Variants in VIPR2 observed in about 807,000 individuals in gnomAD.
VIPR2 encodes the protein vasoactive intestinal peptide receptor 2, also known as vasoactive intestinal polypeptide receptor 2.
In VIPR2, 48 loss-of-function variants were observed where a neutral mutation model predicts 58.0. The observed-to-expected ratio is 0.83, with a 90% CI of 0.66 to 1.05. VIPR2 has a LOEUF of 1.05. Ranked by LOEUF, VIPR2 falls within the 50% of genes least tolerant of loss-of-function variation. The pLI, the probability that VIPR2 is intolerant of heterozygous loss-of-function variation, is 0.00. For synonymous variants in VIPR2, 243 were observed against 235.2 expected, an observed-to-expected ratio of 1.03 and a Z score of -0.30; for missense variants, 534 against 558.0, an observed-to-expected ratio of 0.96 and a Z score of 0.43.
At chr7:159,102,690 C>A (rs1262526512) in intron 4 of VIPR2, among the ~76,000 whole-genome samples, 5 of 152,154 alleles carry the variant, frequency 3.3e-5, no homozygotes, top group African/African-American at 1.2e-4. Flanking sequence ...CCTGGGGGCC[C>A]AGAGGGCAGA....
intron 7 of VIPR2, 121 bp from the exon 8 acceptor site, chr7:159,036,133 C>T: frequency 8.3e-7 from 1 of 1,198,938 alleles, no homozygotes; most frequent in Non-Finnish European, 1.1e-6. Flanking sequence ...AGTGCAATCT[C>T]TTGTTTAAAG....
At position 159,130,500 on chromosome 7, in the gene VIPR2, G is replaced by A. The variant is rs116049786; in HGVS notation, c.151+11946C>T. Among the ~76,000 whole-genome samples the A allele has an allele frequency of 6.5e-3, 965 of 148,936 alleles. 11 individuals are homozygous for A. Among genetic ancestry groups the A allele is most frequent in the African/African-American group, 0.023 (890 of 38,584 alleles). ...CTGACACCATGGCTCCACCTGGACCGGCCAACCACTCCTGTAGCCCCACCC... is the reference window on the plus strand; with the variant it reads ...CTGACACCATGGCTCCACCTGGACCAGCCAACCACTCCTGTAGCCCCACCC... On this transcript the variant is annotated intron_variant, in intron 2 of 12. Coordinates refer to ENST00000262178, the MANE Select transcript of VIPR2 (RefSeq NM_003382.5).
chr7:159,143,567 T>C (rs1257475849), intron 1 of VIPR2, among the ~76,000 whole-genome samples: 4 of 152,164 alleles, frequency 2.6e-5, no homozygotes, highest in African/African-American at 7.2e-5. Flanking sequence ...TTCAGCCCCA[T>C]TTAAAAGAGC....
In VIPR2 at chr7:159,030,549, G is replaced by C. The variant is rs1004085332; in HGVS notation, c.*67C>G. On this transcript the variant is annotated 3_prime_UTR_variant, in exon 13 of 13. Coordinates refer to ENST00000262178, the MANE Select transcript of VIPR2 (RefSeq NM_003382.5). ...CTCGGGCATCTGGAAGGAGGAAGCC[G>C]GCGTCTCAGCCCCGCAGAAGCCCCG... 2.1e-6 allele frequency: 3 copies of C among 1,456,692 alleles called. No individual in the cohort carries two copies. Among genetic ancestry groups the C allele is most frequent in the Non-Finnish European group, 2.7e-6 (3 of 1,100,728 alleles). The allele number at this position is 1,456,692 out of a possible 1,614,324, so 90.2% of individuals were successfully genotyped here. A position where few individuals can be genotyped will look rare whatever the true frequency, so the allele number is the denominator to read the frequency against.
At chr7:159,143,168 G>A (rs1210400533) in intron 1 of VIPR2, among the ~76,000 whole-genome samples, 1 of 152,204 alleles carries the variant, frequency 6.6e-6, no homozygotes, top group Non-Finnish European at 1.5e-5. Flanking sequence ...GATCCATCAG[G>A]GGAGCGAAAG....
chr7:159,042,432 A>C (rs766980407), intron 6 of VIPR2, among the ~76,000 whole-genome samples: 1 of 152,328 alleles, frequency 6.6e-6, no homozygotes, highest in South Asian at 2.1e-4. Context: ...TATAACCACC[A>C]ATAACTACTA....
chr7:159,080,360 C>CA (rs1205925919), intron 4 of VIPR2, among the ~76,000 whole-genome samples: 1 of 152,090 alleles, frequency 6.6e-6, no homozygotes, highest in East Asian at 1.9e-4. Context: ...GAACCAAAGA[C>CA]AAAAACCACA....
rs940500457 is a variant in VIPR2, at chr7:159,103,711, G to C, written c.357+46C>G. On this transcript the variant is annotated intron_variant, in intron 4 of 12. Coordinates refer to ENST00000262178, the MANE Select transcript of VIPR2 (RefSeq NM_003382.5). ...GGCAGGAGGGGGCTTCTGGTGCAGT[G>C]TTAGGAAGTGGAACCTCACCACCGT... 2.7e-6 allele frequency: 4 copies of C among 1,464,564 alleles called. No individual in the cohort carries two copies. In the African/African-American group the frequency reaches 4.2e-5, roughly 15 times the overall value. The allele number at this position is 1,464,564 out of a possible 1,614,324, so 90.7% of individuals were successfully genotyped here.
At chr7:159,047,232 G>A (rs1008308037) in intron 5 of VIPR2, among the ~76,000 whole-genome samples, 4 of 152,252 alleles carry the variant, frequency 2.6e-5, no homozygotes, top group South Asian at 4.1e-4. Flanking sequence ...CAACACAAGC[G>A]AAACTTTGTC....
At chr7:159,144,116 CTTTT>C (rs949163980) in intron 1 of VIPR2, among the ~76,000 whole-genome samples, 13 of 151,744 alleles carry the variant, frequency 8.6e-5, no homozygotes, top group Admixed American at 5.2e-4. Context: ...TTTTTTCTTT[CTTTT>C]TTCTTTCCTT....
chr7:159,107,022 G>A (rs115370278), intron 3 of VIPR2, among the ~76,000 whole-genome samples: 1,979 of 152,216 alleles, frequency 0.013, 42 homozygotes, highest in African/African-American at 0.046. Flanking sequence ...GAAAGGTTGT[G>A]GGGGGTGGGA....
At chr7:159,138,971 T>C (rs931774399) in intron 2 of VIPR2, among the ~76,000 whole-genome samples, 1 of 152,200 alleles carries the variant, frequency 6.6e-6, no homozygotes, top group African/African-American at 2.4e-5. Flanking sequence ...AGAAACATGA[T>C]GCCATCTCCT....
intron 5 of VIPR2, among the ~76,000 whole-genome samples, chr7:159,058,241 TAATA>T (rs1855435272): frequency 6.6e-6 from 1 of 152,242 alleles, no homozygotes; most frequent in African/African-American, 2.4e-5. Flanking sequence ...GCTAAGTATT[TAATA>T]AATGATAGCT....
intron 5 of VIPR2, among the ~76,000 whole-genome samples, chr7:159,047,457 A>G (rs1854724544): frequency 6.6e-6 from 1 of 152,190 alleles, no homozygotes; most frequent in Admixed American, 6.5e-5. Context: ...ATATTTTTTC[A>G]TAGTTTCCAT....
intron 2 of VIPR2, among the ~76,000 whole-genome samples, chr7:159,123,259 C>T (rs900093728): frequency 2.2e-5 from 3 of 136,002 alleles, no homozygotes; most frequent in African/African-American, 8.3e-5. Context: ...CCCCACTGCA[C>T]TCCAGCCTGG....
chr7:159,084,115 CT>C (rs1266495800), intron 4 of VIPR2, among the ~76,000 whole-genome samples: 1 of 152,240 alleles, frequency 6.6e-6, no homozygotes. Context: ...GCACAGGGTG[CT>C]GTGGGGTGCA....
Position 159,127,386 on chromosome 7 carries a change from C to T in VIPR2, c.151+15060G>A, listed in dbSNP as rs914343604. 1.3e-5 allele frequency among the ~76,000 whole-genome samples: 2 copies of T among 152,190 alleles called. No individual in the cohort carries two copies. The highest frequency in any genetic ancestry group is 6.5e-5 in the Admixed American group (1 of 15,274). ...ACCTGAACAAACATTAAACCCACAA[C>T]TCCAAATCCAGAAATAACCAAAACT... On this transcript the variant is annotated intron_variant, in intron 2 of 12. Transcript: ENST00000262178. This position sits in a 1 kb window ranked among gnomAD's most constrained non-coding sequence, Gnocchi z 4.6.
intron 2 of VIPR2, among the ~76,000 whole-genome samples, chr7:159,110,273 T>C (rs188887887): frequency 3.4e-4 from 52 of 152,374 alleles, no homozygotes; most frequent in African/African-American, 1.2e-3. Flanking sequence ...GAAAGTGTGC[T>C]TGTGCTTCTG....
intron 4 of VIPR2, among the ~76,000 whole-genome samples, chr7:159,063,987 C>G (rs1386089685): frequency 6.6e-6 from 1 of 151,196 alleles, no homozygotes; most frequent in Admixed American, 6.6e-5. Context: ...GTGCTCACAC[C>G]GGGCTGGGGT....
Sources: allele counts gnomAD v4.1 joint callset (sites outside exome capture counted in the v4.1 genomes callset), GRCh38; gene constraint gnomAD v4.1.1; non-coding constraint Gnocchi (gnomAD v3.1); transcripts MANE v1.5; gene names NCBI Gene and HGNC (gene_info 2026-07-23, HGNC 2026-07-21).